The following NCAM1 variants were observed in gnomAD, a reference collection of about 807,000 sequenced individuals.
The protein encoded by NCAM1 is antigen recognized by monoclonal antibody 5.1H11.
A neutral mutation model predicts 109.8 loss-of-function variants in NCAM1; 14 were observed. That is an observed-to-expected ratio of 0.13 (90% CI 0.08 to 0.20). The LOEUF is 0.20. NCAM1 is among the 10% of genes least tolerant of loss of function. NCAM1 has a pLI of 1.00. For missense variants in NCAM1, 774 were observed against 1,109.9 expected, an observed-to-expected ratio of 0.70 and a Z score of 4.30; for synonymous variants, 418 against 442.9, an observed-to-expected ratio of 0.94 and a Z score of 0.70.
intron 1 of NCAM1, among the ~76,000 whole-genome samples, chr11:113,103,454 T>C (rs537567849): frequency 3.9e-5 from 6 of 152,304 alleles, no homozygotes; most frequent in Middle Eastern, 3.4e-3. Context: ...AACAAATTTA[T>C]AAAAGGGGAC....
At chr11:113,029,286 T>G (rs1253664295) in intron 1 of NCAM1, among the ~76,000 whole-genome samples, 1 of 152,176 alleles carries the variant, frequency 6.6e-6, no homozygotes, top group Non-Finnish European at 1.5e-5. Flanking sequence ...AAAATCTATC[T>G]ACAGATAGTG....
intron 11 of NCAM1, 33 bp from the exon 12 acceptor site, chr11:113,232,685 C>A: frequency 6.6e-7 from 1 of 1,520,944 alleles, no homozygotes; most frequent in Non-Finnish European, 9.1e-7. Flanking sequence ...TCCCATAGGA[C>A]ACTTGTAACC....
At chr11:113,236,316 G>A (rs782248806) in intron 14 of NCAM1, 14 of 1,612,910 alleles carry the variant, frequency 8.7e-6, no homozygotes, top group Admixed American at 1.7e-5. Flanking sequence ...CCTCCTCCAC[G>A]TAAGTGCCTC....
rs912311021 is a variant in NCAM1, at chr11:113,273,536, C to T, written c.2456+1660C>T. The T allele has an allele frequency of 1.9e-5, 7 of 360,034 alleles. No homozygotes were observed. Among genetic ancestry groups the T allele is most frequent in the Non-Finnish European group, 4.0e-5 (7 of 174,934 alleles). 22.3% of individuals were successfully genotyped at this position (360,034 alleles called of 1,614,324 possible). A position where few individuals can be genotyped will look rare whatever the true frequency, so the allele number is the denominator to read the frequency against. ...CCACAGCCCTTGCTAGCCCGAAGAG[C>T]GAGGCTGCCTCCGTCAGCACCACAA... On this transcript the variant is annotated intron_variant, in intron 19 of 19. Coordinates refer to ENST00000316851, the MANE Select transcript of NCAM1 (RefSeq NM_181351.5). This position sits in a 1 kb window ranked among gnomAD's most constrained non-coding sequence, Gnocchi z 6.0.
chr11:113,009,312 GTTTTTTTTTTTTT>G (rs781818836), intron 1 of NCAM1, among the ~76,000 whole-genome samples: 1 of 79,656 alleles, frequency 1.3e-5, no homozygotes, highest in African/African-American at 4.8e-5. Flanking sequence ...GTTTTTTCGG[GTTTTTTTTTTTTT>G]TTTTTTTTTT....
chr11:112,991,430 G>A (rs940320756), intron 1 of NCAM1, among the ~76,000 whole-genome samples: 1 of 151,952 alleles, frequency 6.6e-6, no homozygotes, highest in African/African-American at 2.4e-5. Context: ...CAATAAGTAC[G>A]TGTTAATGGC....
intron 1 of NCAM1, among the ~76,000 whole-genome samples, chr11:112,996,155 T>A (rs1951590865): frequency 6.6e-6 from 1 of 152,250 alleles, no homozygotes; most frequent in Non-Finnish European, 1.5e-5. Flanking sequence ...GGTTTTCATC[T>A]GTGTGTTTGT....
intron 1 of NCAM1, among the ~76,000 whole-genome samples, chr11:113,162,128 G>C (rs368313307): frequency 2.6e-4 from 40 of 152,114 alleles, no homozygotes; most frequent in African/African-American, 2.4e-4. Context: ...TAGTTCCTTG[G>C]GGGGAGGAGC....
At chr11:113,220,194 T>C (rs1452687509) in intron 8 of NCAM1, among the ~76,000 whole-genome samples, 2 of 152,036 alleles carry the variant, frequency 1.3e-5, no homozygotes, top group African/African-American at 2.4e-5. Context: ...GCTGGAGAAA[T>C]AAAAAAATCT....
At chr11:113,195,495 A>ATTTTT (rs561856662) in intron 1 of NCAM1, among the ~76,000 whole-genome samples, 4 of 85,594 alleles carry the variant, frequency 4.7e-5, no homozygotes, top group Non-Finnish European at 6.1e-5. Context: ...CCCTTAGTAG[A>ATTTTT]TTTTTTTTTT....
At chr11:113,150,449 T>C (rs776564697) in intron 1 of NCAM1, among the ~76,000 whole-genome samples, 26 of 152,210 alleles carry the variant, frequency 1.7e-4, no homozygotes, top group Non-Finnish European at 2.6e-4. Context: ...TCACTTGGGA[T>C]TTCCTGTTGA....
chr11:113,001,081 C>T (rs1484570555), intron 1 of NCAM1, among the ~76,000 whole-genome samples: 6 of 151,874 alleles, frequency 4.0e-5, no homozygotes, highest in African/African-American at 1.5e-4. Context: ...ATCCGTGAGC[C>T]CTCTAGTCAG....
chr11:113,251,947 C>T (rs532146077), intron 15 of NCAM1, among the ~76,000 whole-genome samples: 2 of 152,298 alleles, frequency 1.3e-5, no homozygotes, highest in South Asian at 2.1e-4. Context: ...AAGAAAGTTT[C>T]TCTAACCCCA....
chr11:113,141,895 A>G (rs1219354409), intron 1 of NCAM1, among the ~76,000 whole-genome samples: 1 of 152,200 alleles, frequency 6.6e-6, no homozygotes, highest in Non-Finnish European at 1.5e-5. Context: ...AGGAGTTGAA[A>G]GAAGGATTAA....
intron 1 of NCAM1, among the ~76,000 whole-genome samples, chr11:113,013,197 C>T (rs189658194): frequency 6.9e-6 from 1 of 145,744 alleles, no homozygotes; most frequent in Non-Finnish European, 1.5e-5. Context: ...GAGGCTGAGG[C>T]GGGTGGATCA....
intron 1 of NCAM1, among the ~76,000 whole-genome samples, chr11:113,000,949 C>A (rs1286527362): frequency 6.6e-6 from 1 of 151,392 alleles, no homozygotes; most frequent in Admixed American, 6.6e-5. Flanking sequence ...AGGATATAGG[C>A]ACTTTGGTTA....
At chr11:113,172,279 A>T (rs782663243) in intron 1 of NCAM1, among the ~76,000 whole-genome samples, 7 of 152,196 alleles carry the variant, frequency 4.6e-5, no homozygotes, top group Non-Finnish European at 8.8e-5. Flanking sequence ...GTCTGTTCAC[A>T]TACTTTTAGC....
chr11:112,982,534 G>C (rs148209520), intron 1 of NCAM1, among the ~76,000 whole-genome samples: 4 of 151,778 alleles, frequency 2.6e-5, no homozygotes, highest in Non-Finnish European at 4.4e-5. Flanking sequence ...CAGTAGTCAG[G>C]GGGTAGGAGG....
chr11:112,973,848 A>C (rs1555067227), intron 1 of NCAM1, among the ~76,000 whole-genome samples: 1 of 152,138 alleles, frequency 6.6e-6, no homozygotes, highest in African/African-American at 2.4e-5. Flanking sequence ...ATCACTGTGA[A>C]TTGCAACTGA....
Sources: gnomAD v4.1 joint callset for allele counts (sites outside exome capture counted in the v4.1 genomes callset) on GRCh38, gnomAD v4.1.1 for gene constraint, Gnocchi (gnomAD v3.1) non-coding constraint, MANE v1.5 for transcripts, NCBI Gene and HGNC (gene_info 2026-07-23, HGNC 2026-07-21) for gene names.